The following FADS2 variants were observed in gnomAD, a reference collection of about 807,000 sequenced individuals.
FADS2 encodes the protein fatty acid desaturase 2, also known as acyl-CoA 6-desaturase.
FADS2 carries 18 observed loss-of-function variants against 61.2 expected under a neutral mutation model. The ratio of observed to expected loss-of-function variants is 0.29; its 90% CI spans 0.20 to 0.44. The LOEUF (loss-of-function observed/expected upper bound fraction) is 0.44, where lower values mean the gene tolerates loss of function less well. FADS2 is among the 20% of genes least tolerant of loss of function. The pLI, the probability that FADS2 is intolerant of heterozygous loss-of-function variation, is 1.00. For synonymous variants in FADS2, 203 were observed against 223.9 expected (o/e 0.91, Z 0.83); for missense variants, 322 against 572.7 (o/e 0.56, Z 4.47).
chr11:61,827,117 A>C (rs1018323825), upstream of FADS2, among the ~76,000 whole-genome samples: 1 of 152,134 alleles, frequency 6.6e-6, no homozygotes, highest in Non-Finnish European at 1.5e-5. The surrounding 1 kb of genome is among the most constrained non-coding windows in gnomAD (Gnocchi z 4.5). Context: ...CTCCGGATGC[A>C]GTCAGGCCCA....
Position 61,863,085 on chromosome 11 carries a change from T to C in FADS2, c.980+16T>C. 1.2e-6 allele frequency: 2 copies of C among 1,606,884 alleles called. No homozygotes were observed. Among genetic ancestry groups the C allele is most frequent in the Non-Finnish European group, 1.7e-6 (2 of 1,173,370 alleles). On this transcript the variant is annotated intron_variant, in intron 8 of 11. Coordinates refer to ENST00000278840, the MANE Select transcript of FADS2 (RefSeq NM_004265.4). ...ACTTCATCAGGTGCCTGGGCTTTGC[T>C]GATTCATCCCTGGGCCCTCCACTGG...
intron 7 of FADS2, among the ~76,000 whole-genome samples, chr11:61,861,029 AC>A (rs543411337): frequency 6.6e-6 from 1 of 151,084 alleles, no homozygotes; most frequent in Non-Finnish European, 1.5e-5. Context: ...AGTAAGTGAG[AC>A]CCCCCCATCT....
At chr11:61,821,698 A>G (rs888626134) in intron 1 of FADS2, among the ~76,000 whole-genome samples, 1 of 152,262 alleles carries the variant, frequency 6.6e-6, no homozygotes, top group Non-Finnish European at 1.5e-5. Context: ...TGCAGTGACT[A>G]CAACACAGTA....
In FADS2 at chr11:61,836,873, G is replaced by T. The variant is rs558615643; in HGVS notation, c.208-905G>T. Among the ~76,000 whole-genome samples the T allele has an allele frequency of 2.1e-4, 32 of 152,308 alleles. No homozygotes were observed. The East Asian group carries it at 5.6e-3, about 27-fold the overall frequency. ...CAGATTACACAGTGTTCACCACTGG[G>T]ACATTCTATTGCATCCCCTCAGGGG... is the stretch of plus-strand genomic sequence containing the variant. On this transcript the variant is annotated intron_variant, in intron 1 of 11. Transcript: ENST00000278840.
intron 5 of FADS2, among the ~76,000 whole-genome samples, chr11:61,852,146 C>A (rs1219249847): frequency 6.6e-6 from 1 of 152,150 alleles, no homozygotes; most frequent in Non-Finnish European, 1.5e-5. Context: ...CTGTCCTCTC[C>A]CAGGCCACCG....
At chr11:61,856,829 TGGGGAGCCC>T in intron 5 of FADS2, 173 bp from the exon 6 acceptor site, 1 of 612,346 alleles carries the variant, frequency 1.6e-6, no homozygotes, top group Non-Finnish European at 2.9e-6. Flanking sequence ...GGCTGTAGCA[TGGGGAGCCC>T]AGAGGGCTGG....
chr11:61,843,825 A>T (rs1007231328), intron 4 of FADS2, among the ~76,000 whole-genome samples: 4 of 151,836 alleles, frequency 2.6e-5, no homozygotes, highest in Non-Finnish European at 5.9e-5. Context: ...TGCCCAGCTA[A>T]TTTTTTTGTA....
chr11:61,863,130 A>AT lies in FADS2; in HGVS notation c.980+62dup, dbSNP rs1344975546. ...CACTGGCACTGATGATGGCTTTGGC[A>AT]TGAGAAGAGGCTCGGACGGCTCCAC... is the stretch of plus-strand genomic sequence containing the variant. On this transcript the variant is annotated intron_variant, in intron 8 of 11. Coordinates refer to ENST00000278840, the MANE Select transcript of FADS2 (RefSeq NM_004265.4). 8 of 1,528,106 alleles carry AT rather than the reference A, an allele frequency of 5.2e-6. No homozygotes were observed. The Admixed American group carries it at 1.3e-4, about 26-fold the overall frequency. The allele number at this position is 1,528,106 out of a possible 1,614,324, so 94.7% of individuals were successfully genotyped here.
chr11:61,831,857 G>T (rs117553420), intron 1 of FADS2, among the ~76,000 whole-genome samples: 3,713 of 152,108 alleles, frequency 0.024, 96 homozygotes, highest in Middle Eastern at 0.041. Context: ...TGCTTCTCTC[G>T]CCTTTTCCTT....
chr11:61,862,126 A>T (rs2135980215), intron 7 of FADS2: 1 of 152,422 alleles, frequency 6.6e-6, no homozygotes, highest in East Asian at 1.9e-4. Flanking sequence ...GGAGGGAGTA[A>T]GCTAGGTCAG....
intron 5 of FADS2, among the ~76,000 whole-genome samples, chr11:61,849,053 A>T (rs1365457489): frequency 6.6e-6 from 1 of 152,172 alleles, no homozygotes; most frequent in Non-Finnish European, 1.5e-5. Context: ...GGCATGTGCC[A>T]CCATGCCAAC....
At position 61,866,103 on chromosome 11, in the gene FADS2, G is replaced by C. The variant is rs1179240477; in HGVS notation, c.*414G>C. The C allele has an allele frequency of 5.0e-6, 2 of 402,670 alleles. No homozygotes were observed. The highest frequency in any genetic ancestry group is 7.0e-5 in the East Asian group (2 of 28,534). The allele number at this position is 402,670 out of a possible 1,614,324, so 24.9% of individuals were successfully genotyped here. A position where few individuals can be genotyped will look rare whatever the true frequency, so the allele number is the denominator to read the frequency against. The stretch of plus-strand genomic sequence containing the variant: ...TCACCCCCGCTTTGGTTCTTCAGAT[G>C]CTCTTGGGGTTCATAGGGGCAGGTC... On this transcript the variant is annotated 3_prime_UTR_variant, in exon 12 of 12. Coordinates refer to ENST00000278840, the MANE Select transcript of FADS2 (RefSeq NM_004265.4).
At chr11:61,851,839 C>G (rs2067309652) in intron 5 of FADS2, among the ~76,000 whole-genome samples, 1 of 152,230 alleles carries the variant, frequency 6.6e-6, no homozygotes, top group Admixed American at 6.5e-5. Context: ...GCATTTTGGT[C>G]TTATTGATGC....
At chr11:61,844,648 A>G (rs891051949) in intron 4 of FADS2, among the ~76,000 whole-genome samples, 3 of 148,336 alleles carry the variant, frequency 2.0e-5, no homozygotes, top group Non-Finnish European at 4.5e-5. Flanking sequence ...AAATGAGGCC[A>G]GGCGCGGTGG....
upstream of FADS2, among the ~76,000 whole-genome samples, chr11:61,824,429 AGAGAGGGAGGGAGGGAGGGAGG>A (rs2067056726): frequency 1.3e-4 from 1 of 7,534 alleles, no homozygotes; most frequent in African/African-American, 2.7e-4. Flanking sequence ...AGAGAGAGAG[AGAGAGGGAGGGAGGGAGGGAGG>A]GAGGGAGGGA....
chr11:61,840,524 C>T lies in FADS2; in HGVS notation c.509C>T (p.Thr170Ile). The change falls in exon 3 of 12, where the codon ACC (threonine) becomes ATC (isoleucine). Residue 170 changes from threonine to isoleucine, a missense_variant. Thr to Ile is a moderately conservative substitution (Grantham distance 89). Around this residue, in one of 3 missense-constraint regions of FADS2, gnomAD observed 221 missense variants for 427.9 expected, o/e 0.52. Coordinates refer to ENST00000278840, the MANE Select transcript of FADS2 (RefSeq NM_004265.4). ...PTLITAFVLA[T>I]SQAQAGWLQH... ...CTCATCACGGCCTTTGTCCTTGCTA[C>T]CTCTCAGGTGAGGCGTGACACCCTC... 6.2e-7 allele frequency: 1 copy of T among 1,614,212 alleles called. No homozygotes were observed. Among genetic ancestry groups the T allele is most frequent in the Non-Finnish European group, 8.5e-7 (1 of 1,180,036 alleles).
chr11:61,840,923 T>C (rs1457839888), intron 4 of FADS2, among the ~76,000 whole-genome samples, 198 bp downstream of exon 4: 1 of 152,180 alleles, frequency 6.6e-6, no homozygotes, highest in Non-Finnish European at 1.5e-5. Flanking sequence ...AAAGCCATGG[T>C]GTACTACTCA....
At chr11:61,844,742 G>A (rs201839610) in intron 4 of FADS2, among the ~76,000 whole-genome samples, 1 of 150,884 alleles carries the variant, frequency 6.6e-6, no homozygotes, top group Non-Finnish European at 1.5e-5. Context: ...TGGCTAACAC[G>A]GTGAAACCCC....
At chr11:61,824,486 GAGAGAAAGAAAGAAAGGAAAGAAAGAA>G (rs1565325384), upstream of FADS2, among the ~76,000 whole-genome samples, 14 of 9,266 alleles carry the variant, frequency 1.5e-3, no homozygotes, top group African/African-American at 1.8e-3. Flanking sequence ...GAGAGAGAGA[GAGAGAAAGAAAGAAAGGAAAGAAAGAA>G]AGAAAGAAAG....
Sources: gnomAD v4.1 joint callset for allele counts (sites outside exome capture counted in the v4.1 genomes callset) on GRCh38, gnomAD v4.1.1 for gene constraint, gnomAD v4.1.1 regional missense constraint, Gnocchi (gnomAD v3.1) non-coding constraint, MANE v1.5 for transcripts, NCBI Gene and HGNC (gene_info 2026-07-23, HGNC 2026-07-21) for gene names.